The following H4C16 variants were observed in gnomAD, a reference collection of about 807,000 sequenced individuals.
The protein encoded by H4C16 is H4 histone 16.
At chr12:14,771,120 GC>G in the H4C16 span, 1 of 1,550,508 alleles carries the variant, frequency 6.4e-7, no homozygotes, top group Non-Finnish European at 8.7e-7. Flanking sequence ...AGAAAATCGG[GC>G]TGCCCACTGT....
the H4C16 span, chr12:14,771,124 C>G: frequency 1.3e-6 from 2 of 1,544,144 alleles, no homozygotes; most frequent in Non-Finnish European, 1.7e-6. Context: ...AATCGGGCTG[C>G]CCACTGTGAT....
At chr12:14,770,851 C>T in the H4C16 span, 1 of 1,614,226 alleles carries the variant, frequency 6.2e-7, no homozygotes, top group East Asian at 2.2e-5. Flanking sequence ...CGGTCTTGCG[C>T]TTGGCGTGCT....
the H4C16 span, chr12:14,771,051 C>T: frequency 6.2e-7 from 1 of 1,608,872 alleles, no homozygotes; most frequent in Non-Finnish European, 8.5e-7. Context: ...CCTCCCTTAC[C>T]CAGCCCCTTG....
the H4C16 span, chr12:14,771,015 G>T: frequency 3.0e-5 from 49 of 1,613,934 alleles, no homozygotes; most frequent in Non-Finnish European, 4.0e-5. Context: ...ATATTGTCCC[G>T]CAGCACCTTC....
chr12:14,771,005 A>C, the H4C16 span: 1 of 1,613,888 alleles, frequency 6.2e-7, no homozygotes. Flanking sequence ...AATGCCTTGG[A>C]TATTGTCCCG....
At chr12:14,771,107 A>C in the H4C16 span, 4 of 1,565,562 alleles carry the variant, frequency 2.6e-6, no homozygotes, top group Non-Finnish European at 2.6e-6. Context: ...GCGCCTACTC[A>C]GCAGAAAATC....
chr12:14,771,125 C>T, the H4C16 span: 10 of 1,543,188 alleles, frequency 6.5e-6, no homozygotes, highest in Admixed American at 5.9e-5. Flanking sequence ...ATCGGGCTGC[C>T]CACTGTGATT....
chr12:14,771,092 T>C, the H4C16 span: 7 of 1,581,626 alleles, frequency 4.4e-6, no homozygotes, highest in Middle Eastern at 1.7e-4. Flanking sequence ...CATTCTGAAA[T>C]CACAGCGCCT....
chr12:14,771,065 C>T, the H4C16 span: 28 of 1,602,172 alleles, frequency 1.7e-5, no homozygotes, highest in Admixed American at 3.6e-4. Context: ...CCCCTTGCCA[C>T]CTTTACCTCG....
the H4C16 span, chr12:14,771,034 C>T: frequency 6.2e-7 from 1 of 1,613,246 alleles, no homozygotes; most frequent in Non-Finnish European, 8.5e-7. Flanking sequence ...TCCGGTGGCG[C>T]TTGGCGCCTC....
At chr12:14,770,740 T>C in the H4C16 span, 1 of 1,562,404 alleles carries the variant, frequency 6.4e-7, no homozygotes, top group South Asian at 1.2e-5. Flanking sequence ...GAAAAGGGCC[T>C]TTTGGAGTCT....
chr12:14,771,015 G>GCAGCACCTT, the H4C16 span: 1 of 1,614,052 alleles, frequency 6.2e-7, no homozygotes, highest in East Asian at 2.2e-5. Flanking sequence ...ATATTGTCCC[G>GCAGCACCTT]CAGCACCTTC....
At chr12:14,771,110 A>G in the H4C16 span, 1 of 1,562,870 alleles carries the variant, frequency 6.4e-7, no homozygotes, top group Non-Finnish European at 8.7e-7. Context: ...CCTACTCAGC[A>G]GAAAATCGGG....
At chr12:14,771,080 G>A in the H4C16 span, 3 of 1,589,922 alleles carry the variant, frequency 1.9e-6, no homozygotes, top group East Asian at 4.5e-5. Flanking sequence ...ACCTCGCCCA[G>A]ACATTCTGAA....
At chr12:14,770,821 C>CACCA in the H4C16 span, 1 of 1,614,166 alleles carries the variant, frequency 6.2e-7, no homozygotes, top group Non-Finnish European at 8.5e-7. Context: ...TCAGCGCGTA[C>CACCA]ACCACATCCA....
the H4C16 span, chr12:14,770,832 T>C: frequency 2.5e-6 from 4 of 1,614,008 alleles, no homozygotes; most frequent in Non-Finnish European, 3.4e-6. Context: ...ACCACATCCA[T>C]GGCCGTGACG....
the H4C16 span, chr12:14,770,970 C>A: frequency 3.5e-5 from 57 of 1,614,084 alleles, no homozygotes; most frequent in Admixed American, 6.7e-5. Flanking sequence ...CCACGTCGGG[C>A]GAGACGGCGA....
the H4C16 span, chr12:14,770,944 A>G: frequency 2.5e-6 from 4 of 1,614,078 alleles, no homozygotes; most frequent in African/African-American, 4.0e-5. Context: ...TGAGACCAGA[A>G]ATGCGCTTGA....
chr12:14,771,121 C>G, the H4C16 span: 2 of 1,550,572 alleles, frequency 1.3e-6, no homozygotes, highest in South Asian at 2.4e-5. Context: ...GAAAATCGGG[C>G]TGCCCACTGT....
Sources: gnomAD v4.1 joint callset for allele counts on GRCh38, gnomAD v4.1.1 for gene constraint, MANE v1.5 for transcripts, NCBI Gene and HGNC (gene_info 2026-07-23, HGNC 2026-07-21) for gene names.